SYNDIG1: variants seen among roughly 807,000 people sequenced by gnomAD.
SYNDIG1 encodes synapse differentiation inducing 1, also known as synapse differentiation-inducing gene protein 1.
A neutral mutation model predicts 19.4 loss-of-function variants in SYNDIG1; 9 were observed. The observed-to-expected ratio is 0.46, with a 90% CI of 0.28 to 0.81. The LOEUF (loss-of-function observed/expected upper bound fraction) is 0.81. SYNDIG1 is among the 30% of genes least tolerant of loss of function. The probability of loss-of-function intolerance (pLI) is 0.12; values close to 1 mark genes in which losing one functional copy is unlikely to be tolerated. For synonymous variants in SYNDIG1, 141 were observed against 145.9 expected (o/e 0.97, Z 0.24); for missense variants, 311 against 343.3 (o/e 0.91, Z 0.74).
At chr20:24,563,014 A>C (rs2057975452) in intron 2 of SYNDIG1, among the ~76,000 whole-genome samples, 1 of 152,240 alleles carries the variant, frequency 6.6e-6, no homozygotes, top group Non-Finnish European at 1.5e-5. Context: ...AAATAGTAGT[A>C]AAATGTTGAT....
intron 1 of SYNDIG1, among the ~76,000 whole-genome samples, chr20:24,523,657 G>A (rs554603463): frequency 7.9e-5 from 12 of 152,130 alleles, no homozygotes; most frequent in Admixed American, 3.9e-4. Flanking sequence ...GTAAAATGAC[G>A]GGAAATTTTG....
chr20:24,580,938 A>C (rs1050304892), intron 2 of SYNDIG1, among the ~76,000 whole-genome samples: 23 of 152,212 alleles, frequency 1.5e-4, no homozygotes, highest in African/African-American at 5.3e-4. Flanking sequence ...GGTCCGGGTC[A>C]ACGGTTCCCC....
intron 3 of SYNDIG1, among the ~76,000 whole-genome samples, chr20:24,615,540 C>T (rs1454512912): frequency 2.6e-5 from 4 of 152,148 alleles, no homozygotes; most frequent in Non-Finnish European, 5.9e-5. Context: ...CATGCTGCAC[C>T]CACTTCATCC....
At chr20:24,590,985 G>A (rs560788466) in intron 3 of SYNDIG1, among the ~76,000 whole-genome samples, 69 of 152,274 alleles carry the variant, frequency 4.5e-4, no homozygotes, top group African/African-American at 1.5e-3. Context: ...GCAGAGGGGC[G>A]CGGAGGGACT....
intron 3 of SYNDIG1, among the ~76,000 whole-genome samples, chr20:24,617,752 G>A (rs541513878): frequency 7.3e-5 from 11 of 151,366 alleles, no homozygotes; most frequent in African/African-American, 2.4e-4. Context: ...GGGAGAGCTC[G>A]GGAAGCTTAA....
At chr20:24,662,161 A>G (rs142343241) in intron 3 of SYNDIG1, among the ~76,000 whole-genome samples, 2 of 151,756 alleles carry the variant, frequency 1.3e-5, no homozygotes, top group Non-Finnish European at 2.9e-5. Flanking sequence ...TCTAACGGTG[A>G]CAACTTCAGC....
chr20:24,624,278 A>G (rs1293674882), intron 3 of SYNDIG1, among the ~76,000 whole-genome samples: 3 of 151,022 alleles, frequency 2.0e-5, no homozygotes, highest in African/African-American at 7.3e-5. Flanking sequence ...AAAAAATGAG[A>G]CCCAACAGAA....
intron 3 of SYNDIG1, among the ~76,000 whole-genome samples, chr20:24,656,674 G>A (rs182078423): frequency 5.5e-4 from 84 of 152,294 alleles, no homozygotes; most frequent in African/African-American, 1.9e-3. Context: ...CCTCCTCAGG[G>A]GCTCCCATCT....
chr20:24,484,265 G>A (rs946333250), intron 1 of SYNDIG1, among the ~76,000 whole-genome samples: 3 of 152,144 alleles, frequency 2.0e-5, no homozygotes. Context: ...GAGTGTATCT[G>A]GAGCCAGAAG....
intron 2 of SYNDIG1, among the ~76,000 whole-genome samples, chr20:24,566,337 C>T (rs1393847782): frequency 1.3e-5 from 2 of 152,142 alleles, no homozygotes; most frequent in Non-Finnish European, 2.9e-5. Context: ...TTGGCTGATT[C>T]ATCTAAGATA....
rs1295150510 is a variant in SYNDIG1, at chr20:24,616,333, G to A, written c.618+31340G>A. ...ATTGTGACATGTTGTCCATCTGGCC[G>A]GCACCTCCTTCCCACCCAGCTCAAG... is the stretch of plus-strand genomic sequence containing the variant. On this transcript the variant is annotated intron_variant, in intron 3 of 3. Transcript: ENST00000376862. 2.6e-5 allele frequency among the ~76,000 whole-genome samples: 4 copies of A among 152,204 alleles called. No individual in the cohort carries two copies. In the East Asian group the frequency reaches 5.8e-4, roughly 22 times the overall value.
At chr20:24,552,519 C>T (rs2146805361) in intron 2 of SYNDIG1, among the ~76,000 whole-genome samples, 1 of 151,808 alleles carries the variant, frequency 6.6e-6, no homozygotes, top group East Asian at 1.9e-4. Context: ...CATGTGTTCT[C>T]ATTGTTCAAT....
rs116731447 is a variant in SYNDIG1 at position 24,650,814 on chromosome 20, G to A, written c.619-14532G>A. On this transcript the variant is annotated intron_variant, in intron 3 of 3. Coordinates refer to ENST00000376862, the MANE Select transcript of SYNDIG1 (RefSeq NM_024893.3). ...GCTCCCAAGGGCTCCCAAGGACCACGCAATGACTCTTATTTCTTGTTTCTT... is the reference window on the plus strand; with the variant it reads ...GCTCCCAAGGGCTCCCAAGGACCACACAATGACTCTTATTTCTTGTTTCTT... Among the ~76,000 whole-genome samples the A allele has an allele frequency of 9.2e-3, 1,354 of 147,752 alleles. 27 individuals are homozygous for A. Among genetic ancestry groups the A allele is most frequent in the African/African-American group, 0.032 (1,282 of 39,610 alleles).
intron 1 of SYNDIG1, among the ~76,000 whole-genome samples, chr20:24,486,463 T>C (rs2055959526): frequency 1.3e-5 from 2 of 152,170 alleles, no homozygotes; most frequent in South Asian, 4.1e-4. Flanking sequence ...TTGAGTTTAG[T>C]CTATAATATT....
chr20:24,491,079 G>A (rs960005208), intron 1 of SYNDIG1, among the ~76,000 whole-genome samples: 3 of 152,284 alleles, frequency 2.0e-5, no homozygotes, highest in East Asian at 3.9e-4. Flanking sequence ...AAGGACAGGC[G>A]CCATGGCGTG....
chr20:24,569,829 G>A (rs999678670), intron 2 of SYNDIG1, among the ~76,000 whole-genome samples: 1 of 152,192 alleles, frequency 6.6e-6, no homozygotes, highest in Non-Finnish European at 1.5e-5. Flanking sequence ...ATAAGAGGAT[G>A]AACAGGTGCA....
At chr20:24,553,321 C>A (rs1439753123) in intron 2 of SYNDIG1, among the ~76,000 whole-genome samples, 1 of 152,110 alleles carries the variant, frequency 6.6e-6, no homozygotes, top group Non-Finnish European at 1.5e-5. Context: ...TTAATGAGAT[C>A]CCATTTGTCA....
In SYNDIG1 at chr20:24,574,307, G is replaced by A. The variant is rs144700314; in HGVS notation, c.481-10549G>A. On this transcript the variant is annotated intron_variant, in intron 2 of 3. Coordinates refer to ENST00000376862, the MANE Select transcript of SYNDIG1 (RefSeq NM_024893.3). ...AGCCTGGGCAACACAGTGAAACCCC[G>A]TCTCTATTAAAAACCTAAAAAAAAA... Among the ~76,000 whole-genome samples the A allele has an allele frequency of 6.9e-3, 966 of 139,162 alleles. 2 individuals are homozygous for A. Among genetic ancestry groups the A allele is most frequent in the South Asian group, 0.028 (114 of 4,122 alleles). The allele number at this position is 139,162 out of a possible 152,430, so 91.3% of individuals were successfully genotyped here.
At chr20:24,653,175 AG>A (rs2059489717) in intron 3 of SYNDIG1, among the ~76,000 whole-genome samples, 1 of 146,630 alleles carries the variant, frequency 6.8e-6, no homozygotes, top group South Asian at 2.1e-4. Flanking sequence ...GAAGGAAAAG[AG>A]AATGGACGTG....
Sources: gnomAD v4.1 joint callset for allele counts (sites outside exome capture counted in the v4.1 genomes callset) on GRCh38, gnomAD v4.1.1 for gene constraint, MANE v1.5 for transcripts, NCBI Gene and HGNC (gene_info 2026-07-23, HGNC 2026-07-21) for gene names.